The following ADK variants were observed in gnomAD, a reference collection of about 807,000 sequenced individuals.
The protein encoded by ADK is N6,N6-dimethyladenosine kinase.
A neutral mutation model predicts 44.7 loss-of-function variants in ADK; 24 were observed. That is an observed-to-expected ratio of 0.54 (90% CI 0.39 to 0.76). The LOEUF is 0.76. Ranked by LOEUF, ADK falls within the 30% of genes least tolerant of loss-of-function variation. The pLI, the probability that ADK is intolerant of heterozygous loss-of-function variation, is 0.00. For missense variants in ADK, 321 were observed against 425.1 expected (o/e 0.76, Z 2.15); for synonymous variants, 128 against 142.6 (o/e 0.90, Z 0.73).
chr10:74,567,699 G>GTTTTTTT (rs56042541), intron 7 of ADK, among the ~76,000 whole-genome samples: 66 of 112,286 alleles, frequency 5.9e-4, no homozygotes, highest in East Asian at 1.8e-3. Flanking sequence ...TGTTTTTTTT[G>GTTTTTTT]TTTTTTTTTT....
chr10:74,215,131 A>G (rs1363381391), intron 2 of ADK, among the ~76,000 whole-genome samples: 4 of 152,122 alleles, frequency 2.6e-5, no homozygotes, highest in Non-Finnish European at 4.4e-5. Context: ...CCAGTAATTT[A>G]GGGCAGAAAA....
At chr10:74,382,979 T>C (rs981300206) in intron 4 of ADK, among the ~76,000 whole-genome samples, 22 of 151,836 alleles carry the variant, frequency 1.4e-4, no homozygotes, top group African/African-American at 5.1e-4. Flanking sequence ...ACACATACCC[T>C]GCAATGATAG....
At chr10:74,504,206 T>G (rs1223939126) in intron 6 of ADK, among the ~76,000 whole-genome samples, 1 of 152,130 alleles carries the variant, frequency 6.6e-6, no homozygotes, top group Non-Finnish European at 1.5e-5. Context: ...GATGATGTCT[T>G]TTTAAAAAAT....
At chr10:74,696,094 C>T (rs905144403) in intron 10 of ADK, among the ~76,000 whole-genome samples, 5 of 152,120 alleles carry the variant, frequency 3.3e-5, no homozygotes, top group Non-Finnish European at 5.9e-5. Context: ...AATCTCAGCT[C>T]AACACAACCT....
At chr10:74,442,459 A>G (rs1845450654) in intron 6 of ADK, among the ~76,000 whole-genome samples, 1 of 152,148 alleles carries the variant, frequency 6.6e-6, no homozygotes, top group Admixed American at 6.5e-5. Context: ...TGGCCTGGCC[A>G]ACATGATGAA....
At chr10:74,340,410 A>T (rs1048779538) in intron 4 of ADK, among the ~76,000 whole-genome samples, 87 of 152,170 alleles carry the variant, frequency 5.7e-4, no homozygotes, top group African/African-American at 2.0e-3. Flanking sequence ...TTTAATTTTT[A>T]AAATGTTGTC....
At chr10:74,702,782 A>G (rs1856481365) in intron 10 of ADK, among the ~76,000 whole-genome samples, 1 of 151,682 alleles carries the variant, frequency 6.6e-6, no homozygotes, top group African/African-American at 2.4e-5. Context: ...TATTTTTAGT[A>G]GAGACGAGGT....
intron 4 of ADK, among the ~76,000 whole-genome samples, chr10:74,383,687 G>A (rs1320974946): frequency 6.6e-6 from 1 of 152,176 alleles, no homozygotes; most frequent in Non-Finnish European, 1.5e-5. Context: ...TAGGTTTTAT[G>A]AAGAGTGGAA....
chr10:74,245,601 T>G (rs941461284), intron 3 of ADK, among the ~76,000 whole-genome samples: 2 of 151,110 alleles, frequency 1.3e-5, no homozygotes, highest in Admixed American at 6.6e-5. Flanking sequence ...TTTGTTTTTT[T>G]TTTTTTTGAG....
At chr10:74,440,383 A>C (rs149984856) in intron 6 of ADK, among the ~76,000 whole-genome samples, 2 of 152,240 alleles carry the variant, frequency 1.3e-5, no homozygotes, top group Non-Finnish European at 2.9e-5. Context: ...AGGTCCTCTA[A>C]TACCAGAGCC....
At position 74,586,910 on chromosome 10, in the gene ADK, C is replaced by CAT. The variant is rs1326523936; in HGVS notation, c.727-2364_727-2363dup. Among the ~76,000 whole-genome samples, 338 of 149,208 alleles carry CAT rather than the reference C, an allele frequency of 2.3e-3. 5 individuals carry two copies. The highest frequency in any genetic ancestry group is 7.8e-3 in the African/African-American group (314 of 40,022). ...ATACACACACACATATTTATATACA[C>CAT]ATATATATACATATACACACACATA... On this transcript the variant is annotated intron_variant, in intron 7 of 10. Coordinates refer to ENST00000539909, the MANE Select transcript of ADK (RefSeq NM_006721.4).
chr10:74,550,605 C>T (rs1180214988), intron 7 of ADK, among the ~76,000 whole-genome samples: 1 of 152,064 alleles, frequency 6.6e-6, no homozygotes, highest in East Asian at 1.9e-4. Context: ...TGTTCTTTGA[C>T]ACAGCTGGCT....
chr10:74,493,821 A>C (rs960497284), intron 6 of ADK, among the ~76,000 whole-genome samples: 1 of 152,160 alleles, frequency 6.6e-6, no homozygotes, highest in African/African-American at 2.4e-5. Context: ...CCTACCATGA[A>C]TGTTTTACCT....
intron 9 of ADK, among the ~76,000 whole-genome samples, chr10:74,634,881 G>T (rs934111699): frequency 1.5e-4 from 23 of 152,086 alleles, no homozygotes; most frequent in Non-Finnish European, 1.9e-4. Context: ...GGAGGTAGAG[G>T]TTGCAATGAG....
At chr10:74,329,897 C>A (rs1348327795) in intron 4 of ADK, among the ~76,000 whole-genome samples, 2 of 152,042 alleles carry the variant, frequency 1.3e-5, no homozygotes, top group Non-Finnish European at 2.9e-5. Context: ...TGTGATGGCT[C>A]ACGCTTATAA....
At chr10:74,222,305 A>G (rs1282283727) in intron 2 of ADK, among the ~76,000 whole-genome samples, 2 of 152,170 alleles carry the variant, frequency 1.3e-5, no homozygotes, top group Non-Finnish European at 2.9e-5. Flanking sequence ...TCAAAACCAC[A>G]GTGAGATATC....
intron 10 of ADK, among the ~76,000 whole-genome samples, chr10:74,682,831 C>T (rs988071457): frequency 6.6e-6 from 1 of 152,172 alleles, no homozygotes; most frequent in African/African-American, 2.4e-5. Context: ...GCCTTGGCCT[C>T]CCAAAGTGCT....
intron 7 of ADK, among the ~76,000 whole-genome samples, chr10:74,564,821 A>G (rs563630869): frequency 1.3e-5 from 2 of 152,276 alleles, no homozygotes; most frequent in East Asian, 3.9e-4. Flanking sequence ...AGAATCTCAC[A>G]CAAAATAAAA....
chr10:74,542,461 T>C (rs1290598181), intron 7 of ADK, among the ~76,000 whole-genome samples: 1 of 152,246 alleles, frequency 6.6e-6, no homozygotes, highest in Non-Finnish European at 1.5e-5. Flanking sequence ...TTGTGTATAT[T>C]GTCAAAACAC....
Sources: gnomAD v4.1 joint callset for allele counts (sites outside exome capture counted in the v4.1 genomes callset) on GRCh38, gnomAD v4.1.1 for gene constraint, MANE v1.5 for transcripts, NCBI Gene and HGNC (gene_info 2026-07-23, HGNC 2026-07-21) for gene names.